The following LRP1B variants were observed in gnomAD, a reference collection of about 807,000 sequenced individuals.
LRP1B encodes LDL receptor related protein 1B.
A neutral mutation model predicts 556.6 loss-of-function variants in LRP1B; 217 were observed. The ratio of observed to expected loss-of-function variants is 0.39; its 90% CI spans 0.35 to 0.44. LRP1B has a LOEUF of 0.44. Ranked by LOEUF, LRP1B falls within the 20% of genes least tolerant of loss-of-function variation. LRP1B has a pLI of 1.00. For missense variants in LRP1B, 5,053 were observed against 5,620.8 expected, an observed-to-expected ratio of 0.90 and a Z score of 3.23; for synonymous variants, 2,047 against 1,865.8, an observed-to-expected ratio of 1.10 and a Z score of -2.50.
chr2:141,141,810 A>G (rs1262451516), intron 7 of LRP1B, among the ~76,000 whole-genome samples: 2 of 152,200 alleles, frequency 1.3e-5, no homozygotes, highest in African/African-American at 4.8e-5. Context: ...TCTTCCAATA[A>G]TGAGAAGAAG....
At chr2:141,464,606 A>ATATATATATATATATT in intron 3 of LRP1B, among the ~76,000 whole-genome samples, 6 of 90,542 alleles carry the variant, frequency 6.6e-5, no homozygotes, top group South Asian at 6.5e-4. Flanking sequence ...ATATATATAT[A>ATATATATATATATATT]TTTTTTTAGT....
intron 1 of LRP1B, among the ~76,000 whole-genome samples, chr2:142,108,519 G>C (rs960163441): frequency 6.6e-6 from 1 of 152,126 alleles, no homozygotes; most frequent in Non-Finnish European, 1.5e-5. Flanking sequence ...GAATGACAAA[G>C]AATTTCCATT....
chr2:140,940,102 C>G (rs1695352587), intron 20 of LRP1B, among the ~76,000 whole-genome samples: 1 of 151,960 alleles, frequency 6.6e-6, no homozygotes, highest in African/African-American at 2.4e-5. Context: ...CCATGCTGGT[C>G]TCTAACTCCT....
chr2:140,997,853 C>T (rs576317447), intron 15 of LRP1B, among the ~76,000 whole-genome samples: 15 of 151,758 alleles, frequency 9.9e-5, no homozygotes, highest in African/African-American at 1.5e-4. Context: ...AAAAATGCTG[C>T]GATAGGTTTT....
intron 76 of LRP1B, among the ~76,000 whole-genome samples, chr2:140,351,982 A>G (rs765728577): frequency 6.6e-6 from 1 of 152,072 alleles, no homozygotes; most frequent in Non-Finnish European, 1.5e-5. Flanking sequence ...AAGCATATCA[A>G]ATGCTATAGC....
chr2:141,323,441 C>G (rs79307618), intron 3 of LRP1B, among the ~76,000 whole-genome samples: 1 of 152,156 alleles, frequency 6.6e-6, no homozygotes, highest in East Asian at 1.9e-4. Context: ...TATAAAATAT[C>G]AAACACAATC....
At position 141,885,780 on chromosome 2, in the gene LRP1B, T is replaced by C. The variant is rs1357409437; in HGVS notation, c.83-75379A>G. ...CTTTCCCAGTTCATTGGTACACTTA[T>C]TTAGATTAAAGAATGTAGAACCAAT... On this transcript the variant is annotated intron_variant, in intron 1 of 90. Coordinates refer to ENST00000389484, the MANE Select transcript of LRP1B (RefSeq NM_018557.3). Among the ~76,000 whole-genome samples, 4 of 152,188 alleles carry C rather than the reference T, an allele frequency of 2.6e-5. No homozygotes were observed. The East Asian group carries it at 5.8e-4, about 22-fold the overall frequency.
chr2:140,419,825 T>C (rs1049641007), intron 66 of LRP1B, among the ~76,000 whole-genome samples: 6 of 152,010 alleles, frequency 3.9e-5, no homozygotes, highest in African/African-American at 1.4e-4. Context: ...ATGGCCAACA[T>C]GGTGAAACCC....
At chr2:140,375,014 T>C (rs551069433) in intron 68 of LRP1B, among the ~76,000 whole-genome samples, 5 of 152,266 alleles carry the variant, frequency 3.3e-5, no homozygotes, top group African/African-American at 1.2e-4. Context: ...CATTTACTAC[T>C]TGAAGAAAAC....
chr2:141,247,722 G>T (rs1165236092), intron 4 of LRP1B, among the ~76,000 whole-genome samples: 1 of 152,104 alleles, frequency 6.6e-6, no homozygotes, highest in Non-Finnish European at 1.5e-5. Context: ...AATTCGACTA[G>T]TAACATGGTT....
intron 2 of LRP1B, among the ~76,000 whole-genome samples, chr2:141,759,048 A>C (rs780743772): frequency 6.6e-6 from 1 of 152,170 alleles, no homozygotes; most frequent in Non-Finnish European, 1.5e-5. Context: ...AAAAAATGCA[A>C]AAGTCATTCA....
chr2:141,594,150 G>A (rs943630935), intron 2 of LRP1B, among the ~76,000 whole-genome samples: 1 of 152,042 alleles, frequency 6.6e-6, no homozygotes, highest in Admixed American at 6.6e-5. Context: ...GCCAGATGGG[G>A]GACTTTCTCA....
chr2:140,903,950 A>G (rs897140350), intron 22 of LRP1B, among the ~76,000 whole-genome samples: 1 of 152,062 alleles, frequency 6.6e-6, no homozygotes, highest in Non-Finnish European at 1.5e-5. Context: ...ATGATTACAT[A>G]TATAATGTGA....
Position 140,309,516 on chromosome 2 carries a change from C to T in LRP1B, c.12805+5419G>A, listed in dbSNP as rs1273192682. Reference sequence around the variant, plus strand: ...TCCAATCGAATCACTAACTGTGACTCATGAAGCCAGCAGCAAAATTCGACA... The same window carrying T: ...TCCAATCGAATCACTAACTGTGACTTATGAAGCCAGCAGCAAAATTCGACA... On this transcript the variant is annotated intron_variant, in intron 83 of 90. Transcript: ENST00000389484. Among the ~76,000 whole-genome samples the T allele has an allele frequency of 3.3e-5, 5 of 151,730 alleles. No homozygotes were observed. The Admixed American group carries it at 3.3e-4, about 10-fold the overall frequency.
chr2:140,873,223 C>T (rs1237742830), intron 25 of LRP1B, among the ~76,000 whole-genome samples: 3 of 151,978 alleles, frequency 2.0e-5, no homozygotes, highest in Admixed American at 2.0e-4. Context: ...CAAAATTTGC[C>T]ATAGGGGTTA....
At chr2:141,352,604 A>G (rs1162406641) in intron 3 of LRP1B, among the ~76,000 whole-genome samples, 1 of 151,940 alleles carries the variant, frequency 6.6e-6, no homozygotes, top group Non-Finnish European at 1.5e-5. Flanking sequence ...ATAAAAAATG[A>G]TAAAATTTTT....
intron 37 of LRP1B, among the ~76,000 whole-genome samples, chr2:140,705,831 C>T (rs1270498205): frequency 6.6e-6 from 1 of 152,122 alleles, no homozygotes; most frequent in East Asian, 1.9e-4. Flanking sequence ...GTAGGACTCA[C>T]TTTTAGAGTT....
At chr2:140,735,208 C>T (rs564513682) in intron 35 of LRP1B, among the ~76,000 whole-genome samples, 5 of 152,228 alleles carry the variant, frequency 3.3e-5, no homozygotes, top group East Asian at 3.9e-4. Flanking sequence ...TGAGAAGTGA[C>T]GTGGAAGTTG....
intron 41 of LRP1B, among the ~76,000 whole-genome samples, chr2:140,611,680 A>G (rs967625971): frequency 4.6e-5 from 7 of 152,114 alleles, no homozygotes; most frequent in African/African-American, 1.7e-4. Context: ...ATTGAACTCA[A>G]TATGAAAAGG....
Sources: allele counts gnomAD v4.1 joint callset (sites outside exome capture counted in the v4.1 genomes callset), GRCh38; gene constraint gnomAD v4.1.1; transcripts MANE v1.5; gene names NCBI Gene and HGNC (gene_info 2026-07-23, HGNC 2026-07-21).